CPA6: variants seen among roughly 807,000 people sequenced by gnomAD.
CPA6 encodes carboxypeptidase A6, also known as carboxypeptidase B.
In CPA6, 58 loss-of-function variants were observed where a neutral mutation model predicts 63.3. The ratio of observed to expected loss-of-function variants is 0.92; its 90% CI spans 0.74 to 1.14. CPA6 has a LOEUF of 1.14. Among genes scored for constraint, CPA6 ranks in the 50% most tolerant of loss-of-function variants. CPA6 has a pLI of 0.00. For synonymous variants in CPA6, 185 were observed against 179.0 expected (o/e 1.03, Z -0.27); for missense variants, 565 against 526.6 (o/e 1.07, Z -0.71).
chr8:67,663,325 A>G (rs997250870), intron 1 of CPA6, among the ~76,000 whole-genome samples: 5 of 152,138 alleles, frequency 3.3e-5, no homozygotes, highest in African/African-American at 1.2e-4. Context: ...TCACCCAACT[A>G]GACTCTTTGA....
At position 67,506,793 on chromosome 8, in the gene CPA6, T is replaced by G; in HGVS notation, c.630A>C (p.Val210=). 1 of 1,606,940 alleles carries G rather than the reference T, an allele frequency of 6.2e-7. No individual in the cohort carries two copies. Among genetic ancestry groups the G allele is most frequent in the East Asian group, 2.2e-5 (1 of 44,858 alleles). ...TGTAAAGGGTTTAACTTACTTCTTT[T>G]ACAAACCACTGACAAAAGGCAGGAC... is the stretch of plus-strand genomic sequence containing the variant. ...WIGPAFCQWF[V]KEALLTYKSD... The change falls in exon 6 of 11, where the codon GTA becomes GTC. Residue 210 remains valine (V), a synonymous_variant. Transcript: ENST00000297770.
chr8:67,584,508 GA>G (rs1813872105), intron 2 of CPA6, among the ~76,000 whole-genome samples: 1 of 152,136 alleles, frequency 6.6e-6, no homozygotes, highest in Non-Finnish European at 1.5e-5. Flanking sequence ...AGAATGTTAT[GA>G]TTTTTTTTGA....
chr8:67,553,004 C>T (rs943005003), intron 2 of CPA6, among the ~76,000 whole-genome samples: 3 of 152,064 alleles, frequency 2.0e-5, no homozygotes, highest in African/African-American at 7.2e-5. Context: ...ATGTCACACT[C>T]ATGACATCCC....
intron 1 of CPA6, among the ~76,000 whole-genome samples, chr8:67,728,285 T>A (rs2129002676): frequency 6.6e-6 from 1 of 152,256 alleles, no homozygotes; most frequent in African/African-American, 2.4e-5. Context: ...CTTCTAAACC[T>A]CATTGGGGAA....
intron 2 of CPA6, among the ~76,000 whole-genome samples, chr8:67,590,013 A>AAAT (rs1277647592): frequency 6.6e-6 from 1 of 151,668 alleles, no homozygotes; most frequent in East Asian, 1.9e-4. Context: ...AGCATTAGGT[A>AAAT]TATCTCCTAA....
At chr8:67,563,451 T>A (rs144380732) in intron 2 of CPA6, among the ~76,000 whole-genome samples, 73 of 152,272 alleles carry the variant, frequency 4.8e-4, no homozygotes, top group African/African-American at 1.7e-3. Context: ...TAGCTAAATA[T>A]CACCTTTTTT....
At chr8:67,737,312 C>T (rs964030994) in intron 1 of CPA6, among the ~76,000 whole-genome samples, 5 of 152,228 alleles carry the variant, frequency 3.3e-5, no homozygotes, top group African/African-American at 1.2e-4. Context: ...AATATATTCC[C>T]TGTGTCTGGA....
intron 2 of CPA6, among the ~76,000 whole-genome samples, chr8:67,546,061 A>G (rs188903994): frequency 2.0e-3 from 302 of 152,266 alleles, no homozygotes; most frequent in African/African-American, 6.9e-3. Flanking sequence ...CTTTGCTGGA[A>G]GGTCTTGCTT....
intron 1 of CPA6, among the ~76,000 whole-genome samples, chr8:67,665,198 A>G (rs763611758): frequency 1.1e-4 from 17 of 152,236 alleles, no homozygotes; most frequent in Admixed American, 2.0e-4. Context: ...AAACACCAAC[A>G]ACATCCAAAA....
rs542287861 is a variant in CPA6 at position 67,592,376 on chromosome 8, T to C, written c.192+31800A>G. ...TTTTGGTTGTGTCTCTGCCACACTT[T>C]GGTATCAGGATGATGCTGGCCTCAT... On this transcript the variant is annotated intron_variant, in intron 2 of 10. Coordinates refer to ENST00000297770, the MANE Select transcript of CPA6 (RefSeq NM_020361.5). Among the ~76,000 whole-genome samples the C allele has an allele frequency of 1.1e-4, 16 of 152,328 alleles. No individual in the cohort carries two copies. In the East Asian group the frequency reaches 2.9e-3, roughly 28 times the overall value.
intron 6 of CPA6, among the ~76,000 whole-genome samples, chr8:67,500,642 C>A: frequency 6.6e-6 from 1 of 151,670 alleles, no homozygotes; most frequent in Non-Finnish European, 1.5e-5. Context: ...TTCTTCTATG[C>A]TTTTTTCCCC....
chr8:67,609,110 C>T (rs1416502934), intron 2 of CPA6, among the ~76,000 whole-genome samples: 3 of 152,160 alleles, frequency 2.0e-5, no homozygotes, highest in Admixed American at 6.5e-5. Context: ...TGATTCTTCC[C>T]TTCTGTGAGG....
intron 8 of CPA6, among the ~76,000 whole-genome samples, chr8:67,442,597 G>A (rs752264576): frequency 2.0e-5 from 3 of 152,156 alleles, no homozygotes; most frequent in East Asian, 3.9e-4. Context: ...AACATAAAAC[G>A]TGAGTCAGAG....
At chr8:67,571,111 C>T (rs1420129312) in intron 2 of CPA6, among the ~76,000 whole-genome samples, 1 of 152,110 alleles carries the variant, frequency 6.6e-6, no homozygotes, top group Non-Finnish European at 1.5e-5. Context: ...GAAAGAATGA[C>T]ATTCTATAAT....
At chr8:67,550,830 A>G (rs899450692) in intron 2 of CPA6, among the ~76,000 whole-genome samples, 3 of 152,112 alleles carry the variant, frequency 2.0e-5, no homozygotes, top group Non-Finnish European at 4.4e-5. Context: ...GGCCACTTGT[A>G]TATCTTCTTT....
intron 3 of CPA6, among the ~76,000 whole-genome samples, chr8:67,514,311 C>T (rs1464953591): frequency 6.6e-6 from 1 of 152,062 alleles, no homozygotes; most frequent in African/African-American, 2.4e-5. Flanking sequence ...TATAGAATAA[C>T]CAAAATGTTT....
At chr8:67,657,597 CCCAGCTCTTG>C (rs1211415796) in intron 1 of CPA6, among the ~76,000 whole-genome samples, 3 of 152,210 alleles carry the variant, frequency 2.0e-5, no homozygotes, top group Non-Finnish European at 1.5e-5. Flanking sequence ...CAGCAACCAG[CCCAGCTCTTG>C]CTTCCTGATA....
chr8:67,472,385 AT>A (rs1453661224), intron 8 of CPA6, among the ~76,000 whole-genome samples: 1 of 100,996 alleles, frequency 9.9e-6, no homozygotes, highest in African/African-American at 5.3e-5. Context: ...TTTTTATTTT[AT>A]TTTATTTTAT....
chr8:67,603,848 G>T lies in CPA6; in HGVS notation c.192+20328C>A, dbSNP rs149756793. Among the ~76,000 whole-genome samples the T allele has an allele frequency of 6.6e-4, 101 of 152,266 alleles. 1 individual carries two copies. Among genetic ancestry groups the T allele is most frequent in the African/African-American group, 2.2e-3 (90 of 41,552 alleles). The stretch of plus-strand genomic sequence containing the variant: ...AATAGTTTGGTTTTGCTTTGCTTTT[G>T]CCTCCACTCTCTTTCATAGGTCTCT... On this transcript the variant is annotated intron_variant, in intron 2 of 10. Coordinates refer to ENST00000297770, the MANE Select transcript of CPA6 (RefSeq NM_020361.5).
Sources: allele counts gnomAD v4.1 joint callset (sites outside exome capture counted in the v4.1 genomes callset), GRCh38; gene constraint gnomAD v4.1.1; transcripts MANE v1.5; gene names NCBI Gene and HGNC (gene_info 2026-07-23, HGNC 2026-07-21).